The following SLC1A2 variants were observed in gnomAD, a reference collection of about 807,000 sequenced individuals.
SLC1A2 encodes solute carrier family 1 member 2.
Under a neutral mutation model 48.8 loss-of-function variants are expected in SLC1A2, and 15 were observed. That is an observed-to-expected ratio of 0.31 (90% confidence interval 0.21 to 0.47). The LOEUF (loss-of-function observed/expected upper bound fraction) is 0.47. Among genes scored for constraint, SLC1A2 ranks in the 20% least tolerant of loss-of-function variants. The probability of loss-of-function intolerance (pLI) is 0.99; values close to 1 mark genes in which losing one functional copy is unlikely to be tolerated. For missense variants in SLC1A2, 502 were observed against 730.5 expected, an observed-to-expected ratio of 0.69 and a Z score of 3.61; for synonymous variants, 279 against 272.6, an observed-to-expected ratio of 1.02 and a Z score of -0.23.
intron 5 of SLC1A2, 37 bp from the exon 6 acceptor site, chr11:35,301,682 A>G: frequency 6.2e-7 from 1 of 1,603,524 alleles, no homozygotes; most frequent in Non-Finnish European, 8.5e-7. Flanking sequence ...AGGACAAATT[A>G]CAAAAAATGT....
intron 9 of SLC1A2, among the ~76,000 whole-genome samples, chr11:35,270,239 T>C (rs924398615): frequency 1.3e-5 from 2 of 152,176 alleles, no homozygotes; most frequent in African/African-American, 4.8e-5. Flanking sequence ...AACCCAGGGC[T>C]TCTGATTCCC....
intron 1 of SLC1A2, among the ~76,000 whole-genome samples, chr11:35,333,827 A>T (rs1377408990): frequency 1.6e-5 from 2 of 126,194 alleles, no homozygotes; most frequent in Non-Finnish European, 3.3e-5. Flanking sequence ...ATGCCAGCTA[A>T]TTTTTTTTTT....
intron 1 of SLC1A2, among the ~76,000 whole-genome samples, chr11:35,393,394 A>T (rs1044934776): frequency 2.6e-5 from 4 of 152,184 alleles, no homozygotes; most frequent in African/African-American, 9.7e-5. Flanking sequence ...TAAAGCTGCC[A>T]CTTTGAAGAC....
rs1233718271 is a variant in SLC1A2, at chr11:35,254,747, T to C, written c.*6147A>G. On this transcript the variant is annotated 3_prime_UTR_variant, in exon 11 of 11. Coordinates refer to ENST00000278379, the MANE Select transcript of SLC1A2 (RefSeq NM_004171.4). ...GCTACCCATTCTCTAGGTCAACTTCTGACTCTACAAAGCAGTGAGGTCTGT... is the reference window on the plus strand; with the variant it reads ...GCTACCCATTCTCTAGGTCAACTTCCGACTCTACAAAGCAGTGAGGTCTGT... The C allele has an allele frequency of 2.2e-6, 1 of 455,632 alleles. No individual in the cohort carries two copies. The highest frequency in any genetic ancestry group is 4.4e-6 in the Non-Finnish European group (1 of 226,826). 28.2% of individuals were successfully genotyped at this position (455,632 alleles called of 1,614,324 possible).
chr11:35,314,504 G>T (rs1162616999), intron 3 of SLC1A2, among the ~76,000 whole-genome samples: 2 of 152,152 alleles, frequency 1.3e-5, no homozygotes. Context: ...CATGAGGTCA[G>T]GAGTTCGAGA....
At chr11:35,420,210 G>C (rs1402556984), upstream of SLC1A2, 34 of 191,826 alleles carry the variant, frequency 1.8e-4, no homozygotes, top group Middle Eastern at 2.3e-3. Flanking sequence ...AGAGTTGGCC[G>C]AGGGGTGAGT....
chr11:35,412,042 CA>C (rs5791054), intron 1 of SLC1A2, among the ~76,000 whole-genome samples: 14,326 of 134,220 alleles, frequency 0.11, 1,690 homozygotes, highest in African/African-American at 0.31. Context: ...CTTACTGGAG[CA>C]AAAAAAAAAA....
In SLC1A2 at chr11:35,306,157, T is replaced by C. The variant is rs759587159; in HGVS notation, c.647A>G (p.Asn216Ser). ...NATSAVVSLL[N>S]ETVTEVPEET... Reference sequence around the variant, plus strand: ...CTCCGGCACCTCAGTCACAGTCTCGTTCAACAGAGAGACAACAGCGCTGGT... The same window carrying C: ...CTCCGGCACCTCAGTCACAGTCTCGCTCAACAGAGAGACAACAGCGCTGGT... Residue 216 changes from asparagine to serine, a missense_variant, in exon 5 of 11, where the codon AAC (asparagine) becomes AGC (serine). Asn to Ser is a conservative substitution (Grantham distance 46). Transcript: ENST00000278379. 66 of 1,613,938 alleles carry C rather than the reference T, an allele frequency of 4.1e-5. 1 individual carries two copies. The South Asian group carries it at 6.9e-4, about 17-fold the overall frequency.
At chr11:35,285,547 C>T (rs1850789119) in intron 8 of SLC1A2, 1 of 152,244 alleles carries the variant, frequency 6.6e-6, no homozygotes, top group African/African-American at 2.4e-5. Flanking sequence ...ATGTTACCCA[C>T]TTACTCCCTA....
chr11:35,357,741 A>G lies in SLC1A2; in HGVS notation c.18-40225T>C, dbSNP rs138325118. Among the ~76,000 whole-genome samples the G allele has an allele frequency of 1.6e-4, 24 of 152,352 alleles. No individual in the cohort carries two copies. In the East Asian group the frequency reaches 4.6e-3, roughly 29 times the overall value. ...AGCTGAGCATAGTCAGGTCCTACAT[A>G]TTGTCCACACAATATAAGAGTGACC... On this transcript the variant is annotated intron_variant, in intron 1 of 10. Coordinates refer to ENST00000278379, the MANE Select transcript of SLC1A2 (RefSeq NM_004171.4).
At chr11:35,404,651 T>C (rs4756229) in intron 1 of SLC1A2, 87,763 of 152,054 alleles carry the variant, frequency 0.58, 25,687 homozygotes, top group Middle Eastern at 0.69. Flanking sequence ...ATCACCATGG[T>C]TCAGAGGTGT....
intron 1 of SLC1A2, among the ~76,000 whole-genome samples, chr11:35,361,704 C>T (rs971078494): frequency 2.6e-5 from 4 of 152,044 alleles, no homozygotes; most frequent in Non-Finnish European, 5.9e-5. Flanking sequence ...CAGCTGGGTA[C>T]GGTGGCTCAC....
intron 3 of SLC1A2, among the ~76,000 whole-genome samples, chr11:35,314,796 T>TC (rs1375687479): frequency 2.0e-5 from 3 of 151,114 alleles, no homozygotes; most frequent in East Asian, 3.9e-4. Context: ...TTTTTTTTTT[T>TC]TTCTTTTTTT....
intron 1 of SLC1A2, among the ~76,000 whole-genome samples, chr11:35,393,282 G>C (rs1313477131): frequency 6.6e-6 from 1 of 152,176 alleles, no homozygotes; most frequent in Non-Finnish European, 1.5e-5. Context: ...TGTCCTTAAC[G>C]CCTAGCAGAG....
At chr11:35,326,630 G>A (rs1353080723) in intron 1 of SLC1A2, among the ~76,000 whole-genome samples, 1 of 152,212 alleles carries the variant, frequency 6.6e-6, no homozygotes, top group Non-Finnish European at 1.5e-5. Context: ...ACCAGGCAAT[G>A]TAGCATCAAT....
chr11:35,348,293 G>A (rs890443138), intron 1 of SLC1A2, among the ~76,000 whole-genome samples: 2 of 152,180 alleles, frequency 1.3e-5, no homozygotes, highest in Admixed American at 1.3e-4. Context: ...CTCCCCTGGA[G>A]TTGGTGAAAA....
chr11:35,338,370 T>A (rs1852711429), intron 1 of SLC1A2, among the ~76,000 whole-genome samples: 1 of 152,184 alleles, frequency 6.6e-6, no homozygotes, highest in African/African-American at 2.4e-5. Context: ...TCTCGACTTC[T>A]CAGGGCAATT....
intron 5 of SLC1A2, among the ~76,000 whole-genome samples, chr11:35,304,604 C>T (rs976170852): frequency 3.0e-4 from 46 of 152,056 alleles, no homozygotes; most frequent in African/African-American, 1.0e-3. Context: ...CTCATCTCTT[C>T]CCTCACTCTC....
chr11:35,409,700 G>A (rs559708468), intron 1 of SLC1A2, among the ~76,000 whole-genome samples: 1 of 152,146 alleles, frequency 6.6e-6, no homozygotes, highest in Non-Finnish European at 1.5e-5. Context: ...CCTGAGGTCA[G>A]GAGTTCAAGA....
Sources: allele counts gnomAD v4.1 joint callset (sites outside exome capture counted in the v4.1 genomes callset), GRCh38; gene constraint gnomAD v4.1.1; transcripts MANE v1.5; gene names NCBI Gene and HGNC (gene_info 2026-07-23, HGNC 2026-07-21).